Variants in PLEKHA5 observed in about 807,000 individuals in gnomAD.
PLEKHA5 encodes pleckstrin homology domain containing A5.
Under a neutral mutation model 181.9 loss-of-function variants are expected in PLEKHA5, and 55 were observed. That is an observed-to-expected ratio of 0.30 (90% CI 0.24 to 0.38). The LOEUF (loss-of-function observed/expected upper bound fraction) is 0.38. Ranked by LOEUF, PLEKHA5 falls within the 10% of genes least tolerant of loss-of-function variation. PLEKHA5 has a pLI of 1.00. For missense variants in PLEKHA5, 1,432 were observed against 1,549.5 expected (o/e 0.92, Z 1.27); for synonymous variants, 535 against 529.4 (o/e 1.01, Z -0.15).
At chr12:19,337,905 C>T (rs150909424) in intron 21 of PLEKHA5, among the ~76,000 whole-genome samples, 6,733 of 151,302 alleles carry the variant, frequency 0.045, 162 homozygotes, top group South Asian at 0.057. Context: ...GTGGCAGGCA[C>T]CTGTAATCCC....
At chr12:19,362,997 T>G (rs1018712726) in intron 29 of PLEKHA5, among the ~76,000 whole-genome samples, 29 of 151,652 alleles carry the variant, frequency 1.9e-4, no homozygotes, top group African/African-American at 5.3e-4. Flanking sequence ...TTGCTATCTG[T>G]GGGGGGGCCC....
At chr12:19,309,854 G>A (rs2085797050) in intron 15 of PLEKHA5, among the ~76,000 whole-genome samples, 1 of 152,118 alleles carries the variant, frequency 6.6e-6, no homozygotes, top group African/African-American at 2.4e-5. Context: ...AAAGTAGTTA[G>A]GCAACTGCTT....
At chr12:19,356,082 T>G (rs994447718) in intron 26 of PLEKHA5, among the ~76,000 whole-genome samples, 2 of 151,780 alleles carry the variant, frequency 1.3e-5, no homozygotes, top group African/African-American at 4.8e-5. Flanking sequence ...TAAGAATTAC[T>G]TGAACCCAGG....
intron 28 of PLEKHA5, 31 bp from the exon 29 acceptor site, chr12:19,361,551 T>G: frequency 1.8e-6 from 2 of 1,139,394 alleles, no homozygotes; most frequent in Non-Finnish European, 2.6e-6. Context: ...AAGAATTCTT[T>G]GAAAAGAAAA....
chr12:19,305,582 C>T (rs1302744012), intron 15 of PLEKHA5, among the ~76,000 whole-genome samples: 1 of 140,750 alleles, frequency 7.1e-6, no homozygotes, highest in Non-Finnish European at 1.5e-5. Context: ...AAAGACCCAG[C>T]ACGGATGGCT....
chr12:19,338,816 G>A (rs761226444), intron 21 of PLEKHA5, among the ~76,000 whole-genome samples: 6 of 150,846 alleles, frequency 4.0e-5, no homozygotes, highest in Non-Finnish European at 5.9e-5. Context: ...CCTGGGAGGC[G>A]GAGGTTGCAG....
intron 3 of PLEKHA5, among the ~76,000 whole-genome samples, chr12:19,230,438 G>C (rs1163071892): frequency 6.6e-6 from 1 of 152,168 alleles, no homozygotes; most frequent in Non-Finnish European, 1.5e-5. Flanking sequence ...GGCTTGGGCC[G>C]TGCAGGAACC....
At chr12:19,255,700 A>G (rs2066689515) in intron 5 of PLEKHA5, among the ~76,000 whole-genome samples, 1 of 152,006 alleles carries the variant, frequency 6.6e-6, no homozygotes, top group Admixed American at 6.6e-5. Flanking sequence ...CTAACTGAGC[A>G]TAATGCTTTA....
intron 3 of PLEKHA5, among the ~76,000 whole-genome samples, chr12:19,136,864 G>C (rs186032549): frequency 2.6e-4 from 40 of 152,132 alleles, no homozygotes; most frequent in African/African-American, 8.9e-4. Context: ...GCAATAGCTG[G>C]ATCTAATGTA....
chr12:19,200,729 G>A lies in PLEKHA5; in HGVS notation c.228-53211G>A, dbSNP rs992685162. On this transcript the variant is annotated intron_variant, in intron 3 of 31. Transcript: ENST00000429027. ...AAACCAAGGAAGGAATTTTGACAGAGGTACCCAAGGAATTCACTGGGGGAA... is the reference window on the plus strand; with the variant it reads ...AAACCAAGGAAGGAATTTTGACAGAAGTACCCAAGGAATTCACTGGGGGAA... The A allele has an allele frequency of 1.5e-5, 14 of 958,356 alleles. No individual in the cohort carries two copies. The African/African-American group carries it at 2.1e-4, about 14-fold the overall frequency. The allele number at this position is 958,356 out of a possible 1,614,324, so 59.4% of individuals were successfully genotyped here.
At chr12:19,304,400 C>A (rs918323418) in intron 15 of PLEKHA5, among the ~76,000 whole-genome samples, 1 of 152,186 alleles carries the variant, frequency 6.6e-6, no homozygotes, top group African/African-American at 2.4e-5. Context: ...GTTAAAATCT[C>A]TTAATGCTAT....
At chr12:19,254,922 A>G in intron 4 of PLEKHA5, 123 bp from the exon 5 acceptor site, 1 of 772,890 alleles carries the variant, frequency 1.3e-6, no homozygotes, top group Non-Finnish European at 2.0e-6. Flanking sequence ...GCCTGACTCT[A>G]GAGTAACTAG....
chr12:19,180,491 A>G (rs890169898), intron 3 of PLEKHA5, among the ~76,000 whole-genome samples: 5 of 152,092 alleles, frequency 3.3e-5, no homozygotes, highest in Admixed American at 6.5e-5. Context: ...TAAATTGGCA[A>G]TAAGCAGATA....
chr12:19,366,653 A>G (rs1455499731), intron 30 of PLEKHA5, among the ~76,000 whole-genome samples: 14 of 152,138 alleles, frequency 9.2e-5, no homozygotes, highest in Non-Finnish European at 1.9e-4. Context: ...ACTCCTTCTC[A>G]GAAAAGAAAA....
At chr12:19,279,578 G>A (rs1972743) in intron 11 of PLEKHA5, among the ~76,000 whole-genome samples, 103,830 of 151,362 alleles carry the variant, frequency 0.69, 39,155 homozygotes, top group Non-Finnish European at 0.85. Context: ...CAGGAGAATC[G>A]TTTGAACCTG....
At chr12:19,231,327 T>C (rs2060504531) in intron 3 of PLEKHA5, among the ~76,000 whole-genome samples, 1 of 152,026 alleles carries the variant, frequency 6.6e-6, no homozygotes, top group South Asian at 2.1e-4. Flanking sequence ...TAAATCAGAC[T>C]CTGTAGAAAA....
intron 15 of PLEKHA5, among the ~76,000 whole-genome samples, chr12:19,301,106 C>T (rs188637814): frequency 1.3e-3 from 193 of 152,074 alleles, no homozygotes; most frequent in East Asian, 5.0e-3. Context: ...GCCGAGATCG[C>T]GCCATTGCAT....
intron 3 of PLEKHA5, among the ~76,000 whole-genome samples, chr12:19,193,354 A>G (rs1340915338): frequency 6.6e-6 from 1 of 152,222 alleles, no homozygotes; most frequent in Admixed American, 6.5e-5. Flanking sequence ...CATGAAGCCA[A>G]TATTTTAAAA....
rs774270680 is a variant in PLEKHA5, at chr12:19,320,059, A to G, written c.2154+3A>G. 2 of 1,044,946 alleles carry G rather than the reference A, an allele frequency of 1.9e-6. No individual in the cohort carries two copies. Among genetic ancestry groups the G allele is most frequent in the South Asian group, 1.5e-5 (1 of 67,234 alleles). 64.7% of individuals were successfully genotyped at this position (1,044,946 alleles called of 1,614,324 possible). ...AGAGCAAGATAAGTCTATATTGTGTATGTGTGTTTATATATTATATATATG... is the reference window on the plus strand; with the variant it reads ...AGAGCAAGATAAGTCTATATTGTGTGTGTGTGTTTATATATTATATATATG... On this transcript the variant is annotated splice_donor_region_variant and intron_variant, in intron 17 of 31. Coordinates refer to ENST00000429027, the MANE Select transcript of PLEKHA5 (RefSeq NM_001256470.2).
Sources: allele counts gnomAD v4.1 joint callset (sites outside exome capture counted in the v4.1 genomes callset), GRCh38; gene constraint gnomAD v4.1.1; transcripts MANE v1.5; gene names NCBI Gene and HGNC (gene_info 2026-07-23, HGNC 2026-07-21).